DYNLL1: variants seen among roughly 807,000 people sequenced by gnomAD.
DYNLL1 encodes the protein dynein light chain LC8-type 1, also known as dynein light chain 1, cytoplasmic.
DYNLL1 carries 3 observed loss-of-function variants against 10.1 expected under a neutral mutation model. That is an observed-to-expected ratio of 0.30 (90% CI 0.14 to 0.77). DYNLL1 has a LOEUF of 0.77. Among genes scored for constraint, DYNLL1 ranks in the 30% least tolerant of loss-of-function variants. DYNLL1 has a pLI of 0.66. For missense variants in DYNLL1, 47 were observed against 111.7 expected (o/e 0.42, Z 2.61); for synonymous variants, 46 against 41.2 (o/e 1.12, Z -0.45).
chr12:120,497,490 C>G (rs982724961), intron 2 of DYNLL1: 5 of 152,406 alleles, frequency 3.3e-5, no homozygotes, highest in African/African-American at 1.2e-4. Flanking sequence ...TTGACAGATT[C>G]TGTTTCCAGC....
intron 1 of DYNLL1, among the ~76,000 whole-genome samples, chr12:120,483,102 G>T (rs1336644008): frequency 6.6e-6 from 1 of 152,068 alleles, no homozygotes; most frequent in Admixed American, 6.6e-5. Context: ...CACTTTGGGA[G>T]TCTGAGGCGG....
chr12:120,497,938 G>A, intron 2 of DYNLL1, 135 bp from the exon 3 acceptor site: 1 of 863,878 alleles, frequency 1.2e-6, no homozygotes, highest in Non-Finnish European at 1.7e-6. Flanking sequence ...TGGAGCTGGG[G>A]AACATTCTTT....
chr12:120,496,750 T>G (rs1377345238), intron 2 of DYNLL1, 197 bp downstream of exon 2: 7 of 778,402 alleles, frequency 9.0e-6, no homozygotes, highest in African/African-American at 1.7e-5. Context: ...AGTTTTTTTT[T>G]TTTTTTTTTT....
At chr12:120,491,339 C>A (rs10789), upstream of DYNLL1, 23,475 of 152,628 alleles carry the variant, frequency 0.15, 2,215 homozygotes, top group African/African-American at 0.27. Flanking sequence ...CTCAGCTCCA[C>A]TGCCAGCCCC....
intron 1 of DYNLL1, chr12:120,490,405 A>C (rs1021128349): frequency 1.3e-5 from 2 of 152,244 alleles, no homozygotes; most frequent in East Asian, 3.8e-4. Flanking sequence ...TTAAAGAGTG[A>C]CACTGAGGTC....
Position 120,485,863 on chromosome 12 carries a change from GATAC to G in DYNLL1, c.-6-10547_-6-10544del, listed in dbSNP as rs1878982955. 3.8e-5 allele frequency among the ~76,000 whole-genome samples: 4 copies of G among 104,912 alleles called. No homozygotes were observed. The South Asian group carries it at 1.4e-3, about 36-fold the overall frequency. The allele number at this position is 104,912 out of a possible 152,430, so 68.8% of individuals were successfully genotyped here. A position where few individuals can be genotyped will look rare whatever the true frequency, so the allele number is the denominator to read the frequency against. ...CTAAAAAAAAAAAAAAAAAAAAAAA[GATAC>G]ATACAGTGTGATAGGTATTATATGA... On this transcript the variant is annotated intron_variant, in intron 1 of 2. Coordinates refer to the DYNLL1 transcript ENST00000392509.
chr12:120,496,885 C>G (rs1868438254), intron 2 of DYNLL1: 2 of 367,334 alleles, frequency 5.4e-6, no homozygotes, highest in African/African-American at 4.3e-5. Flanking sequence ...GAGGGGGGAG[C>G]TGCGTGGGTG....
At chr12:120,479,461 AAAAAAAAAATAATAAT>A (rs1490925017) in intron 1 of DYNLL1, among the ~76,000 whole-genome samples, 2 of 130,236 alleles carry the variant, frequency 1.5e-5, no homozygotes, top group East Asian at 4.1e-4. Flanking sequence ...AAAAAAAAAA[AAAAAAAAAATAATAAT>A]AATAATAATA....
intron 2 of DYNLL1, 187 bp downstream of exon 2, chr12:120,496,740 A>ATTT: frequency 8.4e-6 from 6 of 710,208 alleles, no homozygotes; most frequent in Non-Finnish European, 1.3e-5. Context: ...CGGCGTCCGA[A>ATTT]GTTTTTTTTT....
intron 2 of DYNLL1, chr12:120,496,800 C>T (rs1441383868): frequency 1.6e-6 from 1 of 612,626 alleles, no homozygotes; most frequent in East Asian, 2.8e-5. Context: ...CACCTAGCAA[C>T]GGTATCTAAG....
At chr12:120,496,011 TG>T (rs1161943980), upstream of DYNLL1, 3 of 296,870 alleles carry the variant, frequency 1.0e-5, no homozygotes, top group Admixed American at 9.7e-5. Context: ...AAGAATGCCG[TG>T]GGCTGCGTCA....
rs1436078054 is a variant in DYNLL1 at position 120,479,463 on chromosome 12, A to T, written c.-7+9359A>T. ...AACTCCGTCTCCAAAAAAAAAAAAA[A>T]AAAAAAATAATAATAATAATAATAA... is the stretch of plus-strand genomic sequence containing the variant. On this transcript the variant is annotated intron_variant, in intron 1 of 2. Transcript: ENST00000392509. Among the ~76,000 whole-genome samples the T allele has an allele frequency of 1.9e-3, 248 of 131,672 alleles. 2 individuals carry two copies. Among genetic ancestry groups the T allele is most frequent in the African/African-American group, 6.7e-3 (228 of 34,152 alleles). 86.4% of individuals were successfully genotyped at this position (131,672 alleles called of 152,430 possible).
chr12:120,477,003 C>T (rs1878769882), intron 1 of DYNLL1, among the ~76,000 whole-genome samples: 1 of 151,846 alleles, frequency 6.6e-6, no homozygotes, highest in Non-Finnish European at 1.5e-5. Flanking sequence ...GATCTTGGCT[C>T]ACTGCAACCT....
At chr12:120,493,510 C>CA (rs1284868755), upstream of DYNLL1, among the ~76,000 whole-genome samples, 2 of 148,524 alleles carry the variant, frequency 1.3e-5, no homozygotes, top group Non-Finnish European at 3.0e-5. Context: ...GACTCCATCT[C>CA]AAAAAAATAA....
chr12:120,482,309 CT>C (rs936414344), intron 1 of DYNLL1, among the ~76,000 whole-genome samples: 24 of 148,410 alleles, frequency 1.6e-4, no homozygotes, highest in African/African-American at 5.7e-4. Context: ...GGCAAAGGTA[CT>C]AGATTTGCCA....
chr12:120,489,365 C>G (rs1160817452), intron 1 of DYNLL1, among the ~76,000 whole-genome samples: 2 of 152,222 alleles, frequency 1.3e-5, no homozygotes, highest in Non-Finnish European at 2.9e-5. Context: ...CAGACTTCCC[C>G]ATCTCAATCT....
At chr12:120,493,612 T>A (rs1314446661), upstream of DYNLL1, among the ~76,000 whole-genome samples, 1 of 151,322 alleles carries the variant, frequency 6.6e-6, no homozygotes, top group Non-Finnish European at 1.5e-5. Flanking sequence ...TTTTTTATTT[T>A]TTATTTATTT....
intron 1 of DYNLL1, among the ~76,000 whole-genome samples, chr12:120,470,827 T>C (rs921199781): frequency 1.3e-5 from 2 of 152,072 alleles, no homozygotes; most frequent in African/African-American, 2.4e-5. Context: ...GGAGGATCAC[T>C]TGAGGTCAGT....
intron 1 of DYNLL1, among the ~76,000 whole-genome samples, chr12:120,483,809 C>G (rs1215599433): frequency 6.6e-6 from 1 of 152,022 alleles, no homozygotes; most frequent in East Asian, 1.9e-4. Context: ...CTTCAGATGT[C>G]ATGGAGAAAA....
Sources: allele counts gnomAD v4.1 joint callset (sites outside exome capture counted in the v4.1 genomes callset), GRCh38; gene constraint gnomAD v4.1.1; transcripts MANE v1.5; gene names NCBI Gene and HGNC (gene_info 2026-07-23, HGNC 2026-07-21).